PDZD9: variants seen among roughly 807,000 people sequenced by gnomAD.
The protein encoded by PDZD9 is PDZ domain containing 9, also known as PDZ domain-containing protein 9.
PDZD9 carries 13 observed loss-of-function variants against 16.3 expected under a neutral mutation model. The ratio of observed to expected loss-of-function variants is 0.80; its 90% confidence interval spans 0.52 to 1.27. The LOEUF is 1.27. PDZD9 is among the 50% of genes most tolerant of loss of function. The probability of loss-of-function intolerance (pLI) is 0.00; values close to 1 mark genes in which losing one functional copy is unlikely to be tolerated. For missense variants in PDZD9, 288 were observed against 310.9 expected, an observed-to-expected ratio of 0.93 and a Z score of 0.55; for synonymous variants, 120 against 111.0, an observed-to-expected ratio of 1.08 and a Z score of -0.51.
At chr16:21,984,739 C>T (rs1045969950) in intron 3 of PDZD9, 79 bp from the exon 4 acceptor site, 14 of 1,118,350 alleles carry the variant, frequency 1.3e-5, no homozygotes, top group Non-Finnish European at 1.5e-5. Context: ...TGCCTTATAA[C>T]TTGCTTTGAC....
chr16:21,980,616 C>G, downstream of PDZD9: 1 of 1,614,156 alleles, frequency 6.2e-7, no homozygotes, highest in Non-Finnish European at 8.5e-7. Context: ...AAGTCGGGTC[C>G]CAGGCTCTAG....
downstream of PDZD9, chr16:21,983,091 G>A: frequency 6.2e-7 from 1 of 1,613,170 alleles, no homozygotes; most frequent in Non-Finnish European, 8.5e-7. Flanking sequence ...TTTAAAGGCG[G>A]CAAAGAAGTT....
the PDZD9 span, chr16:21,962,605 C>T: frequency 3.1e-6 from 5 of 1,596,340 alleles, no homozygotes; most frequent in Non-Finnish European, 4.3e-6. Context: ...ATTATGACCT[C>T]TGACTTCCAT....
At chr16:21,968,749 T>G in the PDZD9 span, 9 of 1,458,422 alleles carry the variant, frequency 6.2e-6, no homozygotes, top group Admixed American at 4.2e-5. Context: ...TAAACTGTAA[T>G]TACGTGAACA....
the PDZD9 span, among the ~76,000 whole-genome samples, chr16:21,977,657 C>G: frequency 2.0e-5 from 3 of 152,188 alleles, no homozygotes; most frequent in African/African-American, 7.2e-5. Context: ...AATCAACCTG[C>G]ATTTTCATAC....
chr16:21,990,660 C>CAAAACA (rs1237028896), intron 2 of PDZD9, among the ~76,000 whole-genome samples: 1 of 152,144 alleles, frequency 6.6e-6, no homozygotes, highest in Non-Finnish European at 1.5e-5. Context: ...CAAAACAAAA[C>CAAAACA]AAAACAAAAA....
At chr16:21,988,841 CTA>C (rs1230889277) in intron 2 of PDZD9, 50 bp from the exon 3 acceptor site, 2 of 1,420,172 alleles carry the variant, frequency 1.4e-6, no homozygotes, top group South Asian at 1.3e-5. Flanking sequence ...TTTAAAGGGA[CTA>C]TATTGATTTC....
chr16:21,983,932 T>G lies in PDZD9; in HGVS notation c.*335A>C, dbSNP rs879454741. The G allele has an allele frequency of 5.8e-6, 1 of 173,744 alleles. No homozygotes were observed. The highest frequency in any genetic ancestry group is 1.2e-5 in the Non-Finnish European group (1 of 82,978). 10.8% of individuals were successfully genotyped at this position (173,744 alleles called of 1,614,324 possible). A position where few individuals can be genotyped will look rare whatever the true frequency, so the allele number is the denominator to read the frequency against. On this transcript the variant is annotated 3_prime_UTR_variant, in exon 4 of 4. Coordinates refer to ENST00000424898, the MANE Select transcript of PDZD9 (RefSeq NM_001363519.1). Reference sequence around the variant, plus strand: ...CAAAAAAAAGAGAGAAACTAAATATTTAAAGAAAAATGTAGTGTTTACATA... The same window carrying G: ...CAAAAAAAAGAGAGAAACTAAATATGTAAAGAAAAATGTAGTGTTTACATA...
the PDZD9 span, chr16:21,976,337 G>A: frequency 7.4e-6 from 8 of 1,074,548 alleles, no homozygotes. Flanking sequence ...TGCTCATAAG[G>A]ACTGAGAAGT....
chr16:21,967,308 A>G, the PDZD9 span, among the ~76,000 whole-genome samples: 2 of 152,182 alleles, frequency 1.3e-5, no homozygotes, highest in Admixed American at 6.6e-5. Context: ...TAGCCCAGTG[A>G]TTCTCAAAAC....
the PDZD9 span, chr16:21,962,175 T>G: frequency 7.8e-6 from 3 of 382,306 alleles, no homozygotes; most frequent in African/African-American, 6.1e-5. Flanking sequence ...CATACAATAT[T>G]TGTCCCTTTG....
chr16:21,976,153 C>T, the PDZD9 span: 1 of 1,610,818 alleles, frequency 6.2e-7, no homozygotes, highest in Non-Finnish European at 8.5e-7. Context: ...ACCAACTTTT[C>T]TTATCTGTCC....
intron 2 of PDZD9, among the ~76,000 whole-genome samples, chr16:21,991,375 G>T (rs914017674): frequency 6.6e-6 from 1 of 152,046 alleles, no homozygotes; most frequent in Non-Finnish European, 1.5e-5. Flanking sequence ...AGCTGGGACT[G>T]CAAGCGCATA....
At chr16:21,969,933 A>G in the PDZD9 span, among the ~76,000 whole-genome samples, 12 of 151,926 alleles carry the variant, frequency 7.9e-5, no homozygotes, top group Middle Eastern at 6.8e-3. Context: ...GCACAGTGGC[A>G]CAATCATAGC....
the PDZD9 span, among the ~76,000 whole-genome samples, chr16:21,977,145 G>A: frequency 6.6e-6 from 1 of 152,106 alleles, no homozygotes; most frequent in African/African-American, 2.4e-5. Context: ...CTTGAGGCCA[G>A]GAGTTCAACC....
chr16:21,959,576 A>G, the PDZD9 span: 2 of 153,098 alleles, frequency 1.3e-5, 1 homozygote, highest in Non-Finnish European at 2.9e-5. Flanking sequence ...GCTTCTTCCA[A>G]ACTCACGTTA....
the PDZD9 span, chr16:21,973,950 A>C: frequency 6.2e-7 from 1 of 1,611,436 alleles, no homozygotes; most frequent in Non-Finnish European, 8.5e-7. Flanking sequence ...GATTTATACT[A>C]TCTCCCAGGC....
chr16:21,995,818 C>T (rs972398318), intron 2 of PDZD9, among the ~76,000 whole-genome samples: 1 of 151,896 alleles, frequency 6.6e-6, no homozygotes. Context: ...TTTTTTGAGA[C>T]GGAGTCTCTG....
At chr16:21,977,874 C>T in the PDZD9 span, among the ~76,000 whole-genome samples, 3 of 152,114 alleles carry the variant, frequency 2.0e-5, no homozygotes, top group Non-Finnish European at 4.4e-5. Context: ...AGTTGCATCT[C>T]TTGTATAAGT....
Sources: gnomAD v4.1 joint callset for allele counts (sites outside exome capture counted in the v4.1 genomes callset) on GRCh38, gnomAD v4.1.1 for gene constraint, MANE v1.5 for transcripts, NCBI Gene and HGNC (gene_info 2026-07-23, HGNC 2026-07-21) for gene names.